The following SIPA1L1 variants were observed in gnomAD, a reference collection of about 807,000 sequenced individuals.
SIPA1L1 encodes the protein signal induced proliferation associated 1 like 1, also known as signal-induced proliferation-associated 1-like protein 1.
SIPA1L1 carries 26 observed loss-of-function variants against 162.7 expected under a neutral mutation model. The observed-to-expected ratio is 0.16, with a 90% confidence interval of 0.12 to 0.22. The LOEUF (loss-of-function observed/expected upper bound fraction) is 0.22, where lower values mean the gene tolerates loss of function less well. Among genes scored for constraint, SIPA1L1 ranks in the 10% least tolerant of loss-of-function variants. The probability of loss-of-function intolerance (pLI) is 1.00; values close to 1 mark genes in which losing one functional copy is unlikely to be tolerated. For missense variants in SIPA1L1, 1,874 were observed against 2,241.0 expected, an observed-to-expected ratio of 0.84 and a Z score of 3.31; for synonymous variants, 829 against 837.4, an observed-to-expected ratio of 0.99 and a Z score of 0.17.
chr14:71,412,684 T>C (rs935907377), intron 2 of SIPA1L1, among the ~76,000 whole-genome samples: 22 of 152,220 alleles, frequency 1.4e-4, no homozygotes, highest in African/African-American at 3.1e-4. Context: ...GGAATATCTG[T>C]GAGTGAAACT....
intron 2 of SIPA1L1, among the ~76,000 whole-genome samples, chr14:71,446,892 CTGTTTTTTTTTT>C (rs1490644587): frequency 0.019 from 1,895 of 99,092 alleles, 109 homozygotes; most frequent in Middle Eastern, 0.066. Flanking sequence ...GAGATGGGCT[CTGTTTTTTTTTT>C]TGTTTTTTTT....
chr14:71,411,626 C>T (rs1472824471), intron 2 of SIPA1L1, among the ~76,000 whole-genome samples: 3 of 152,218 alleles, frequency 2.0e-5, no homozygotes, highest in Non-Finnish European at 2.9e-5. Flanking sequence ...AAGGAGTTGG[C>T]TGGGCCAGAG....
intron 12 of SIPA1L1, among the ~76,000 whole-genome samples, chr14:71,684,273 A>G (rs1206022622): frequency 6.6e-6 from 1 of 152,230 alleles, no homozygotes; most frequent in African/African-American, 2.4e-5. Context: ...ACACATTTGA[A>G]ATGTAAGGAG....
chr14:71,611,951 G>C (rs1482246236), intron 5 of SIPA1L1, among the ~76,000 whole-genome samples: 2 of 152,018 alleles, frequency 1.3e-5, no homozygotes, highest in African/African-American at 4.8e-5. Flanking sequence ...ACTGATGGTG[G>C]CACACATGTA....
intron 5 of SIPA1L1, among the ~76,000 whole-genome samples, chr14:71,610,281 C>A (rs2038059521): frequency 6.6e-6 from 1 of 152,122 alleles, no homozygotes; most frequent in African/African-American, 2.4e-5. Flanking sequence ...AATTTCTGTT[C>A]CTAGCCACAG....
At chr14:71,669,568 GAAAAAT>G (rs2044325666) in intron 10 of SIPA1L1, among the ~76,000 whole-genome samples, 1 of 152,100 alleles carries the variant, frequency 6.6e-6, no homozygotes, top group Non-Finnish European at 1.5e-5. Context: ...GACTTTAAGA[GAAAAAT>G]AACACGATCA....
intron 2 of SIPA1L1, chr14:71,330,850 A>C: frequency 5.2e-6 from 3 of 581,612 alleles, no homozygotes; most frequent in Non-Finnish European, 9.4e-6. Flanking sequence ...TTATTTGCAA[A>C]TATTTTTTCC....
At chr14:71,672,292 C>G in intron 11 of SIPA1L1, 56 bp from the exon 12 acceptor site, 1 of 1,558,862 alleles carries the variant, frequency 6.4e-7, no homozygotes, top group Admixed American at 1.7e-5. Context: ...AGTTCCATGT[C>G]CACCACTTAA....
rs1195717206 is a variant in SIPA1L1 at position 71,587,888 on chromosome 14, C to T, written c.16C>T (p.Arg6Trp). MTSLK[R>W]SQTERPLATD... ...CTTTTACATCATGACCAGCTTGAAA[C>T]GGTCACAGACAGAAAGGCCTCTTGC... is the stretch of plus-strand genomic sequence containing the variant. Residue 6 changes from arginine to tryptophan, a missense_variant, in exon 5 of 24, where the codon CGG (arginine) becomes TGG (tryptophan). Physicochemically the swap from Arg to Trp is moderately radical, Grantham distance 101. Transcript: ENST00000381232. 1.1e-5 allele frequency: 18 copies of T among 1,605,504 alleles called. No individual in the cohort carries two copies. The highest frequency in any genetic ancestry group is 1.4e-5 in the Non-Finnish European group (17 of 1,172,918).
chr14:71,379,651 A>G (rs1161068796), intron 2 of SIPA1L1: 1 of 152,234 alleles, frequency 6.6e-6, no homozygotes, highest in Non-Finnish European at 1.5e-5. Context: ...TAAAATATAA[A>G]ACACTAATTC....
chr14:71,447,544 T>C (rs2045499491), intron 2 of SIPA1L1, among the ~76,000 whole-genome samples: 1 of 150,826 alleles, frequency 6.6e-6, no homozygotes, highest in Admixed American at 6.7e-5. Context: ...TCTGATTTTT[T>C]AAAAGCATGT....
chr14:71,489,037 G>A (rs1296826356), intron 2 of SIPA1L1, among the ~76,000 whole-genome samples: 1 of 152,152 alleles, frequency 6.6e-6, no homozygotes, highest in Non-Finnish European at 1.5e-5. Context: ...GAATCTTTGT[G>A]TGTTGTGTAT....
chr14:71,357,762 C>T (rs1379110746), intron 2 of SIPA1L1, among the ~76,000 whole-genome samples: 2 of 152,120 alleles, frequency 1.3e-5, no homozygotes, highest in Admixed American at 1.3e-4. Context: ...CAGTTTTACT[C>T]TGTCACCCAC....
At chr14:71,599,677 A>G (rs961060390) in intron 5 of SIPA1L1, among the ~76,000 whole-genome samples, 2 of 152,004 alleles carry the variant, frequency 1.3e-5, no homozygotes, top group African/African-American at 4.8e-5. Flanking sequence ...CTGTGTGGTA[A>G]TTCTGTTTTT....
rs376239972 is a variant in SIPA1L1, at chr14:71,643,815, T to G, written c.1819-6520T>G. On this transcript the variant is annotated intron_variant, in intron 7 of 23. Transcript: ENST00000381232. ...CAAGTGGTAGTTTTTGTGTGTGTGTTTTTTTCTTTTGAAATGGAGTCTCAC... is the reference window on the plus strand; with the variant it reads ...CAAGTGGTAGTTTTTGTGTGTGTGTGTTTTTCTTTTGAAATGGAGTCTCAC... 6.4e-4 allele frequency among the ~76,000 whole-genome samples: 97 copies of G among 152,322 alleles called. 4 individuals are homozygous for G. In the South Asian group the frequency reaches 0.018, roughly 29 times the overall value.
intron 14 of SIPA1L1, among the ~76,000 whole-genome samples, chr14:71,700,779 G>T (rs1239157424): frequency 6.6e-6 from 1 of 151,918 alleles, no homozygotes; most frequent in Non-Finnish European, 1.5e-5. Context: ...CGGATCACGA[G>T]GTCAGGAGAT....
intron 3 of SIPA1L1, among the ~76,000 whole-genome samples, chr14:71,527,902 T>G (rs1017529520): frequency 6.6e-6 from 1 of 152,208 alleles, no homozygotes; most frequent in African/African-American, 2.4e-5. Flanking sequence ...TTTTTTGTTT[T>G]GAGACCGAGT....
At chr14:71,686,166 C>T (rs1403078555) in intron 13 of SIPA1L1, among the ~76,000 whole-genome samples, 11 of 152,126 alleles carry the variant, frequency 7.2e-5, no homozygotes, top group African/African-American at 1.2e-4. Context: ...CGTGGAGATA[C>T]GTTAAAACAC....
intron 2 of SIPA1L1, among the ~76,000 whole-genome samples, chr14:71,378,908 A>C (rs2141148391): frequency 6.6e-6 from 1 of 152,290 alleles, no homozygotes; most frequent in South Asian, 2.1e-4. Flanking sequence ...AGTTGATTAG[A>C]AGCTCTGTGT....
Sources: allele counts gnomAD v4.1 joint callset (sites outside exome capture counted in the v4.1 genomes callset), GRCh38; gene constraint gnomAD v4.1.1; transcripts MANE v1.5; gene names NCBI Gene and HGNC (gene_info 2026-07-23, HGNC 2026-07-21).